The following RASGRF1 variants were observed in gnomAD, a reference collection of about 807,000 sequenced individuals.
RASGRF1 encodes the protein Ras protein specific guanine nucleotide releasing factor 1.
A neutral mutation model predicts 138.7 loss-of-function variants in RASGRF1; 40 were observed. That is an observed-to-expected ratio of 0.29 (90% CI 0.22 to 0.38). The LOEUF (loss-of-function observed/expected upper bound fraction) is 0.38. Ranked by LOEUF, RASGRF1 falls within the 10% of genes least tolerant of loss-of-function variation. The probability of loss-of-function intolerance (pLI) is 1.00; values close to 1 mark genes in which losing one functional copy is unlikely to be tolerated. For missense variants in RASGRF1, 1,108 were observed against 1,650.4 expected, an observed-to-expected ratio of 0.67 and a Z score of 5.69; for synonymous variants, 614 against 663.2, an observed-to-expected ratio of 0.93 and a Z score of 1.14.
chr15:78,991,980 A>G (rs908165971), intron 20 of RASGRF1, among the ~76,000 whole-genome samples, 186 bp from the exon 21 acceptor site: 9 of 152,114 alleles, frequency 5.9e-5, no homozygotes, highest in Non-Finnish European at 1.3e-4. Context: ...AGGGAAGGGG[A>G]CGGAGGGAGA....
chr15:78,993,379 G>A (rs1024607359), intron 20 of RASGRF1, among the ~76,000 whole-genome samples: 4 of 147,562 alleles, frequency 2.7e-5, no homozygotes, highest in African/African-American at 1.0e-4. Flanking sequence ...TGTAGTGTGT[G>A]TGTGTGGGTG....
chr15:79,066,390 A>G lies in RASGRF1; in HGVS notation c.277-1864T>C, dbSNP rs138577075. On this transcript the variant is annotated intron_variant, in intron 1 of 26. Transcript: ENST00000558480. ...CCCTGGGATGCAAAGACAAAAAGGCAAAGTCCCCACCTCAGGGAGCCTGTA... is the reference window on the plus strand; with the variant it reads ...CCCTGGGATGCAAAGACAAAAAGGCGAAGTCCCCACCTCAGGGAGCCTGTA... Among the ~76,000 whole-genome samples the G allele has an allele frequency of 8.6e-3, 1,312 of 152,326 alleles. 9 individuals carry two copies. The highest frequency in any genetic ancestry group is 0.015 in the Non-Finnish European group (1,043 of 68,026).
intron 5 of RASGRF1, among the ~76,000 whole-genome samples, chr15:79,045,628 T>C (rs1018739630): frequency 6.6e-6 from 1 of 152,218 alleles, no homozygotes; most frequent in Non-Finnish European, 1.5e-5. Context: ...ACATCTATGG[T>C]GTCAACCTGT....
intron 11 of RASGRF1, 53 bp from the exon 12 acceptor site, chr15:79,017,959 G>A: frequency 3.1e-6 from 5 of 1,601,724 alleles, no homozygotes; most frequent in Middle Eastern, 1.7e-4. Context: ...GCCTTTTCAG[G>A]TGGAAAATGT....
chr15:79,089,659 A>C (rs1201517911), intron 1 of RASGRF1, among the ~76,000 whole-genome samples: 1 of 152,208 alleles, frequency 6.6e-6, no homozygotes, highest in Non-Finnish European at 1.5e-5. Context: ...ATGGTACCGA[A>C]CCGACCCGTG....
At position 79,073,445 on chromosome 15, in the gene RASGRF1, A is replaced by G. The variant is rs1185933685; in HGVS notation, c.277-8919T>C. On this transcript the variant is annotated intron_variant, in intron 1 of 26. Coordinates refer to ENST00000558480, the MANE Select transcript of RASGRF1 (RefSeq NM_001145648.3). This position sits in a 1 kb window ranked among gnomAD's most constrained non-coding sequence, Gnocchi z 4.2. ...TGCCTTAGGAAATAGGAGGAGAGGC[A>G]GTTGGTTGGCAGTATCATCCGAAGC... is the stretch of plus-strand genomic sequence containing the variant. 6.6e-6 allele frequency among the ~76,000 whole-genome samples: 1 copy of G among 152,150 alleles called. No individual in the cohort carries two copies. The highest frequency in any genetic ancestry group is 1.5e-5 in the Non-Finnish European group (1 of 68,012).
At chr15:79,083,006 T>C (rs747897921) in intron 1 of RASGRF1, among the ~76,000 whole-genome samples, 1 of 152,168 alleles carries the variant, frequency 6.6e-6, no homozygotes, top group Non-Finnish European at 1.5e-5. Flanking sequence ...CCAAACAGCG[T>C]GTAGTTTAAC....
At chr15:79,028,238 G>A (rs1412962892) in intron 8 of RASGRF1, among the ~76,000 whole-genome samples, 1 of 152,168 alleles carries the variant, frequency 6.6e-6, no homozygotes, top group Admixed American at 6.5e-5. Context: ...CTGTGTTCAT[G>A]ACCCTGACCC....
At position 78,979,240 on chromosome 15, in the gene RASGRF1, C is replaced by T. The variant is rs537327875; in HGVS notation, c.3494+1380G>A. The T allele has an allele frequency of 6.3e-5, 76 of 1,199,396 alleles. No homozygotes were observed. The African/African-American group carries it at 9.9e-4, about 16-fold the overall frequency. 74.3% of individuals were successfully genotyped at this position (1,199,396 alleles called of 1,614,324 possible). ...ACAAACAAAGTGGAGATGGTCAAGG[C>T]GATGGCACACAGAGCTGGCAAAGGA... On this transcript the variant is annotated intron_variant, in intron 24 of 26. Transcript: ENST00000558480.
At chr15:79,064,794 A>G (rs971936432) in intron 1 of RASGRF1, 7 of 441,878 alleles carry the variant, frequency 1.6e-5, no homozygotes, top group Middle Eastern at 6.0e-4. Flanking sequence ...CAAATTGCAA[A>G]AAAGCCAGTT....
At chr15:78,982,761 T>C (rs1452046806) in intron 23 of RASGRF1, among the ~76,000 whole-genome samples, 1 of 152,128 alleles carries the variant, frequency 6.6e-6, no homozygotes, top group Non-Finnish European at 1.5e-5. Flanking sequence ...CAAAATCGAT[T>C]GTTAGCCAAG....
At chr15:78,977,432 A>C (rs1305952330) in intron 24 of RASGRF1, among the ~76,000 whole-genome samples, 3 of 152,186 alleles carry the variant, frequency 2.0e-5, no homozygotes, top group Non-Finnish European at 2.9e-5. Flanking sequence ...TTTGAAAAAC[A>C]AAACTGCGAT....
At chr15:78,993,338 GTGTA>G (rs2056319667) in intron 20 of RASGRF1, among the ~76,000 whole-genome samples, 1 of 104,304 alleles carries the variant, frequency 9.6e-6, no homozygotes, top group Non-Finnish European at 2.2e-5. Context: ...GGTGTGTGTA[GTGTA>G]TGTGTGTGTG....
rs1172486940 is a variant in RASGRF1 at position 79,025,454 on chromosome 15, T to C, written c.1402A>G (p.Met468Val). The C allele has an allele frequency of 1.2e-6, 2 of 1,612,928 alleles. No homozygotes were observed. Among genetic ancestry groups the C allele is most frequent in the Non-Finnish European group, 1.7e-6 (2 of 1,179,408 alleles). ...VRQGSLIQVPMSEKGKITRGR... is the reference protein window; with the variant it reads ...VRQGSLIQVPVSEKGKITRGR... ...CTGGTGATCTTGCCCTTTTCAGACA[T>C]GGGCACCTGAATGAGGGAACCTGTG... Residue 468 changes from methionine to valine, a missense_variant, in exon 10 of 27, where the codon ATG (methionine) becomes GTG (valine). Coordinates refer to ENST00000558480, the MANE Select transcript of RASGRF1 (RefSeq NM_001145648.3).
intron 8 of RASGRF1, among the ~76,000 whole-genome samples, chr15:79,028,272 C>A (rs1046103093): frequency 2.0e-5 from 3 of 152,134 alleles, no homozygotes; most frequent in African/African-American, 7.2e-5. Flanking sequence ...AGCCTTATTC[C>A]CATCCCAAGA....
intron 7 of RASGRF1, 136 bp from the exon 8 acceptor site, chr15:79,031,645 G>GGAGGGAGA: frequency 3.1e-6 from 1 of 322,772 alleles, no homozygotes; most frequent in East Asian, 5.5e-5. Context: ...AGGGAGGGAG[G>GGAGGGAGA]GAGGGAGAGA....
At chr15:78,995,439 C>A (rs759905293) in intron 20 of RASGRF1, among the ~76,000 whole-genome samples, 1 of 151,976 alleles carries the variant, frequency 6.6e-6, no homozygotes, top group Non-Finnish European at 1.5e-5. Context: ...CAGGCACCTG[C>A]CACCACGCCT....
At chr15:79,017,682 C>T in intron 12 of RASGRF1, 88 bp downstream of exon 12, 1 of 1,425,720 alleles carries the variant, frequency 7.0e-7, no homozygotes, top group South Asian at 1.4e-5. Flanking sequence ...CTCCACCACC[C>T]CCACCCCCTA....
intron 4 of RASGRF1, among the ~76,000 whole-genome samples, chr15:79,048,153 A>G (rs1019040264): frequency 2.0e-5 from 3 of 152,180 alleles, no homozygotes; most frequent in African/African-American, 7.2e-5. Context: ...AGTAGAGAAC[A>G]CCGGTCAGGG....
Sources: gnomAD v4.1 joint callset for allele counts (sites outside exome capture counted in the v4.1 genomes callset) on GRCh38, gnomAD v4.1.1 for gene constraint, Gnocchi (gnomAD v3.1) non-coding constraint, MANE v1.5 for transcripts, NCBI Gene and HGNC (gene_info 2026-07-23, HGNC 2026-07-21) for gene names.